The following CACNA1C variants were observed in gnomAD, a reference collection of about 807,000 sequenced individuals.
The protein encoded by CACNA1C is voltage-dependent L-type calcium channel subunit alpha-1C.
Under a neutral mutation model 229.0 loss-of-function variants are expected in CACNA1C, and 30 were observed. The observed-to-expected ratio is 0.13, with a 90% CI of 0.10 to 0.18. The LOEUF is 0.18. Ranked by LOEUF, CACNA1C falls within the 10% of genes least tolerant of loss-of-function variation. CACNA1C has a pLI of 1.00. For missense variants in CACNA1C, 1,658 were observed against 2,845.0 expected, an observed-to-expected ratio of 0.58 and a Z score of 9.49; for synonymous variants, 1,114 against 1,132.5, an observed-to-expected ratio of 0.98 and a Z score of 0.33.
intron 18 of CACNA1C, among the ~76,000 whole-genome samples, chr12:2,586,141 C>G (rs1348249100): frequency 1.3e-5 from 2 of 152,126 alleles, no homozygotes; most frequent in Admixed American, 1.3e-4. Context: ...GCTTTTGTGT[C>G]CTTTCCAAGT....
At chr12:2,024,587 C>T (rs1490448651) in intron 1 of CACNA1C, among the ~76,000 whole-genome samples, 3 of 152,194 alleles carry the variant, frequency 2.0e-5, no homozygotes, top group Admixed American at 6.5e-5. Context: ...CATCTCTTTT[C>T]CCTCTCAGCC....
intron 3 of CACNA1C, among the ~76,000 whole-genome samples, chr12:2,388,199 T>C (rs2098425584): frequency 6.6e-6 from 1 of 152,192 alleles, no homozygotes; most frequent in South Asian, 2.1e-4. Flanking sequence ...GAGTAAGTTC[T>C]AGAAAACAAA....
intron 3 of CACNA1C, among the ~76,000 whole-genome samples, chr12:2,430,783 C>T (rs1448399295): frequency 6.6e-6 from 1 of 152,134 alleles, no homozygotes; most frequent in Non-Finnish European, 1.5e-5. Flanking sequence ...CTTTGTGTTC[C>T]CTGCAGTCCT....
At chr12:2,159,771 A>T (rs879822556) in intron 3 of CACNA1C, among the ~76,000 whole-genome samples, 5 of 152,092 alleles carry the variant, frequency 3.3e-5, no homozygotes, top group Non-Finnish European at 7.4e-5. Flanking sequence ...CGCCTGGCTA[A>T]TCTTTTGTAT....
chr12:2,310,357 A>G (rs1199548709), intron 3 of CACNA1C, among the ~76,000 whole-genome samples: 1 of 148,810 alleles, frequency 6.7e-6, no homozygotes, highest in East Asian at 2.1e-4. Context: ...AAAAAAATAT[A>G]TATATATATA....
At position 2,064,016 on chromosome 12, in the gene CACNA1C, A is replaced by G. The variant is rs1270199222; in HGVS notation, c.49+10405A>G. Among the ~76,000 whole-genome samples, 5 of 152,188 alleles carry G rather than the reference A, an allele frequency of 3.3e-5. No homozygotes were observed. The South Asian group carries it at 8.3e-4, about 25-fold the overall frequency. On this transcript the variant is annotated intron_variant, in intron 1 of 46. Transcript: ENST00000399655. ...TGAGACTACAGCATTAGGAAATCCTATTGTGTCAGTAGTGAGGGTTTGGTA... is the reference window on the plus strand; with the variant it reads ...TGAGACTACAGCATTAGGAAATCCTGTTGTGTCAGTAGTGAGGGTTTGGTA...
At chr12:2,675,835 C>T (rs939931965) in intron 39 of CACNA1C, among the ~76,000 whole-genome samples, 5 of 152,112 alleles carry the variant, frequency 3.3e-5, no homozygotes, top group African/African-American at 9.7e-5. Context: ...AGGGACAGGT[C>T]TGGAGCTACT....
At position 2,517,370 on chromosome 12, in the gene CACNA1C, C is replaced by T. The variant is rs1195523883; in HGVS notation, c.1390+4386C>T. Among the ~76,000 whole-genome samples, 7 of 152,224 alleles carry T rather than the reference C, an allele frequency of 4.6e-5. No individual in the cohort carries two copies. The East Asian group carries it at 7.7e-4, about 17-fold the overall frequency. ...CTCTAGCATGCCCATGGCCTCAAGA[C>T]AGTCAGTGTCTAAAGCTTAGCCCAT... On this transcript the variant is annotated intron_variant, in intron 9 of 46. Coordinates refer to ENST00000399655, the MANE Select transcript of CACNA1C (RefSeq NM_000719.7).
chr12:2,674,749 A>G lies in CACNA1C; in HGVS notation c.4828+107A>G, dbSNP rs2096718952. On this transcript the variant is annotated intron_variant, in intron 39 of 46. Transcript: ENST00000399655. ...CCTTAGAATGCGGAAGCATCCCCTG[A>G]GACTTGCTTCTTGAGTCCCCTAGGC... 9.1e-6 allele frequency: 10 copies of G among 1,093,790 alleles called. 1 individual carries two copies. The South Asian group carries it at 1.6e-4, about 18-fold the overall frequency. 67.8% of individuals were successfully genotyped at this position (1,093,790 alleles called of 1,614,324 possible).
chr12:2,617,353 CT>C (rs1213016418), intron 29 of CACNA1C, among the ~76,000 whole-genome samples: 1 of 152,226 alleles, frequency 6.6e-6, no homozygotes, highest in Non-Finnish European at 1.5e-5. Flanking sequence ...CCCGGTCTCA[CT>C]GACACATATG....
chr12:2,686,126 T>A (rs2097467309), intron 44 of CACNA1C, 40 bp from the exon 45 acceptor site: 13 of 1,532,576 alleles, frequency 8.5e-6, no homozygotes, highest in Non-Finnish European at 1.1e-5. Context: ...CAGTGCCCTG[T>A]TTTCCTGCCC....
chr12:2,098,926 C>T (rs1198536446), intron 1 of CACNA1C, among the ~76,000 whole-genome samples: 4 of 152,264 alleles, frequency 2.6e-5, no homozygotes, highest in East Asian at 1.9e-4. Context: ...GACATTGAGG[C>T]GTGGAGAGCA....
intron 3 of CACNA1C, among the ~76,000 whole-genome samples, chr12:2,176,444 CCTG>C (rs370116948): frequency 1.2e-4 from 18 of 152,076 alleles, no homozygotes; most frequent in African/African-American, 3.1e-4. Flanking sequence ...TTTAAAGGGT[CCTG>C]CTGGCCGCTT....
At chr12:2,565,178 C>T (rs1366699129) in intron 11 of CACNA1C, among the ~76,000 whole-genome samples, 6 of 152,200 alleles carry the variant, frequency 3.9e-5, no homozygotes, top group African/African-American at 1.4e-4. Flanking sequence ...CTTAAAAATA[C>T]CCAACCCCGG....
At chr12:2,150,333 A>T (rs1390853335) in intron 3 of CACNA1C, among the ~76,000 whole-genome samples, 1 of 152,200 alleles carries the variant, frequency 6.6e-6, no homozygotes, top group Non-Finnish European at 1.5e-5. Flanking sequence ...GACATCACAG[A>T]ACTCAAGAGG....
intron 7 of CACNA1C, among the ~76,000 whole-genome samples, chr12:2,497,793 A>G (rs566810070): frequency 6.6e-5 from 10 of 152,180 alleles, no homozygotes; most frequent in Non-Finnish European, 1.0e-4. Context: ...AGATTTTTTT[A>G]GAGTCACAAA....
intron 3 of CACNA1C, among the ~76,000 whole-genome samples, chr12:2,135,065 C>G (rs2093116213): frequency 6.8e-6 from 1 of 146,656 alleles, no homozygotes; most frequent in African/African-American, 2.6e-5. Flanking sequence ...TTTCATCTTC[C>G]ATTGCTGACA....
At chr12:2,360,156 A>ACCCCCCCCCCCCCCCCC (rs796441635) in intron 3 of CACNA1C, among the ~76,000 whole-genome samples, 2 of 57,016 alleles carry the variant, frequency 3.5e-5, no homozygotes, top group Non-Finnish European at 6.9e-5. Flanking sequence ...AACACACCCC[A>ACCCCCCCCCCCCCCCCC]CCCCCCCCCA....
At chr12:2,420,389 G>A (rs907026941) in intron 3 of CACNA1C, among the ~76,000 whole-genome samples, 1 of 152,042 alleles carries the variant, frequency 6.6e-6, no homozygotes, top group Non-Finnish European at 1.5e-5. Context: ...GGTTGACTGG[G>A]GCCACCTTCA....
Sources: gnomAD v4.1 joint callset for allele counts (sites outside exome capture counted in the v4.1 genomes callset) on GRCh38, gnomAD v4.1.1 for gene constraint, MANE v1.5 for transcripts, NCBI Gene and HGNC (gene_info 2026-07-23, HGNC 2026-07-21) for gene names.